Variants in TTC27 observed in about 807,000 individuals in gnomAD.
TTC27 encodes tetratricopeptide repeat domain 27, also known as tetratricopeptide repeat protein 27.
A neutral mutation model predicts 115.9 loss-of-function variants in TTC27; 79 were observed. The ratio of observed to expected loss-of-function variants is 0.68; its 90% confidence interval spans 0.57 to 0.82. The LOEUF (loss-of-function observed/expected upper bound fraction) is 0.82, where lower values mean the gene tolerates loss of function less well. TTC27 is among the 40% of genes least tolerant of loss of function. TTC27 has a pLI of 0.00. For missense variants in TTC27, 1,054 were observed against 993.1 expected (o/e 1.06, Z -0.82); for synonymous variants, 401 against 356.0 (o/e 1.13, Z -1.42).
chr2:32,683,142 A>G (rs1354515688), intron 9 of TTC27, among the ~76,000 whole-genome samples: 1 of 151,984 alleles, frequency 6.6e-6, no homozygotes, highest in Non-Finnish European at 1.5e-5. Context: ...GGCATGAGCC[A>G]CTGCACCAGG....
At chr2:32,813,840 G>A (rs142476340) in intron 18 of TTC27, among the ~76,000 whole-genome samples, 27 of 152,284 alleles carry the variant, frequency 1.8e-4, no homozygotes, top group African/African-American at 6.0e-4. Context: ...TGGCAGAGAA[G>A]GTAGAAGTGC....
chr2:32,722,723 CA>C (rs1318294056), intron 10 of TTC27, among the ~76,000 whole-genome samples: 1 of 152,144 alleles, frequency 6.6e-6, no homozygotes, highest in East Asian at 1.9e-4. Flanking sequence ...TGACCACAGG[CA>C]GGAAGAAGTT....
chr2:32,707,479 T>A (rs1667416028), intron 10 of TTC27, among the ~76,000 whole-genome samples: 1 of 152,182 alleles, frequency 6.6e-6, no homozygotes, highest in African/African-American at 2.4e-5. Flanking sequence ...GAGGACACAT[T>A]CAAACTATAG....
chr2:32,736,555 A>G (rs1426486283), intron 11 of TTC27, 139 bp from the exon 12 acceptor site: 3 of 916,088 alleles, frequency 3.3e-6, no homozygotes, highest in Non-Finnish European at 4.8e-6. Context: ...ACAAACTTCT[A>G]AATAGTACAG....
At chr2:32,678,069 A>G (rs1411949723) in intron 8 of TTC27, among the ~76,000 whole-genome samples, 1 of 152,132 alleles carries the variant, frequency 6.6e-6, no homozygotes, top group Non-Finnish European at 1.5e-5. Flanking sequence ...CAGCCTGGAC[A>G]ACACAGTGAA....
Position 32,760,773 on chromosome 2 carries a change from A to G in TTC27, c.1680+2254A>G, listed in dbSNP as rs149685975. Among the ~76,000 whole-genome samples the G allele has an allele frequency of 7.6e-3, 1,161 of 152,282 alleles. 13 individuals are homozygous for G. Among genetic ancestry groups the G allele is most frequent in the African/African-American group, 0.026 (1,092 of 41,548 alleles). On this transcript the variant is annotated intron_variant, in intron 13 of 19. Coordinates refer to ENST00000317907, the MANE Select transcript of TTC27 (RefSeq NM_017735.5). ...GAGTTCCCTCGCTTAGCCTGCCACA[A>G]TCGCAGTTAAATCAGTGCCAGGTGC...
At chr2:32,809,976 G>A (rs1671262796) in intron 16 of TTC27, among the ~76,000 whole-genome samples, 1 of 152,100 alleles carries the variant, frequency 6.6e-6, no homozygotes, top group Non-Finnish European at 1.5e-5. Flanking sequence ...AATTAGCCAG[G>A]CATGGTGGCG....
intron 13 of TTC27, among the ~76,000 whole-genome samples, chr2:32,764,112 A>G (rs1029338907): frequency 3.7e-5 from 4 of 109,198 alleles, no homozygotes; most frequent in African/African-American, 1.1e-4. Context: ...CTTAACACAC[A>G]TACAGTTTTC....
intron 8 of TTC27, 84 bp downstream of exon 8, chr2:32,672,468 C>T: frequency 9.4e-7 from 1 of 1,064,926 alleles, no homozygotes. Context: ...CAAGGAGGTT[C>T]CAAGAGTTCT....
intron 9 of TTC27, among the ~76,000 whole-genome samples, chr2:32,688,845 T>C (rs931776161): frequency 1.4e-4 from 21 of 152,110 alleles, no homozygotes; most frequent in Non-Finnish European, 2.6e-4. Context: ...AAATTAATCA[T>C]CAATTGCTTC....
At chr2:32,685,495 G>GAAACAA (rs1559205400) in intron 9 of TTC27, among the ~76,000 whole-genome samples, 1 of 151,914 alleles carries the variant, frequency 6.6e-6, no homozygotes, top group Non-Finnish European at 1.5e-5. Context: ...CTATAAAATT[G>GAAACAA]GATAAAATAT....
chr2:32,681,005 A>G (rs1031981863), intron 9 of TTC27, among the ~76,000 whole-genome samples: 3 of 152,096 alleles, frequency 2.0e-5, no homozygotes, highest in African/African-American at 7.2e-5. Context: ...CCTAGCTTGC[A>G]GTGAAGGTCA....
At chr2:32,706,586 CAG>C (rs1667376390) in intron 10 of TTC27, among the ~76,000 whole-genome samples, 2 of 152,016 alleles carry the variant, frequency 1.3e-5, no homozygotes, top group South Asian at 2.1e-4. Context: ...GTTTTTGAGA[CAG>C]AGTGTTACTC....
At chr2:32,774,738 A>C (rs1386027448) in intron 13 of TTC27, among the ~76,000 whole-genome samples, 1 of 152,224 alleles carries the variant, frequency 6.6e-6, no homozygotes, top group Non-Finnish European at 1.5e-5. Flanking sequence ...AAAGTAAAAG[A>C]GGCACCAAAT....
rs147357928 is a variant in TTC27, at chr2:32,681,627, G to A, written c.1119+2705G>A. 2.0e-3 allele frequency among the ~76,000 whole-genome samples: 295 copies of A among 147,296 alleles called. 1 individual carries two copies. The highest frequency in any genetic ancestry group is 7.0e-3 in the African/African-American group (282 of 40,360). On this transcript the variant is annotated intron_variant, in intron 9 of 19. Transcript: ENST00000317907. ...TTTTTCACTTTCTGTACAGTATTCA[G>A]TAAATTATATGAGATATTCAGCTTT...
chr2:32,817,785 G>C (rs992147747), intron 19 of TTC27, among the ~76,000 whole-genome samples: 3 of 152,220 alleles, frequency 2.0e-5, no homozygotes, highest in Admixed American at 1.3e-4. Context: ...TCTGGGTGCA[G>C]TGGCTCATGC....
In TTC27 at chr2:32,812,574, C is replaced by A. The variant is rs1671351500; in HGVS notation, c.2267C>A (p.Ser756Ter). The change falls in exon 18 of 20, where the codon TCA becomes TAA. Residue 756 changes from serine (S) to a stop codon, truncating the protein, a stop_gained. Coordinates refer to ENST00000317907, the MANE Select transcript of TTC27 (RefSeq NM_017735.5). LOFTEE classifies it high-confidence loss of function. The part of the protein sequence containing the change: ...QSNCWEKDIT[S>*]FKEVVQRALG... ...AATTGTTGGGAGAAAGATATTACAT[C>A]ATTTAAGGAAGTTGTTCAAAGAGCC... 6.2e-7 allele frequency: 1 copy of A among 1,613,906 alleles called. No individual in the cohort carries two copies. The highest frequency in any genetic ancestry group is 1.3e-5 in the African/African-American group (1 of 74,934).
Position 32,802,161 on chromosome 2 carries a change from G to C in TTC27, c.1999-8863G>C, listed in dbSNP as rs111305689. 6.0e-3 allele frequency among the ~76,000 whole-genome samples: 913 copies of C among 152,204 alleles called. 14 individuals carry two copies. The highest frequency in any genetic ancestry group is 0.021 in the African/African-American group (878 of 41,530). On this transcript the variant is annotated intron_variant, in intron 16 of 19. Coordinates refer to ENST00000317907, the MANE Select transcript of TTC27 (RefSeq NM_017735.5). ...TAAAGAATTATCTTTGGAGTAGACT[G>C]TTAGATTTAGTTTCCAGATGAAAAG...
intron 16 of TTC27, among the ~76,000 whole-genome samples, chr2:32,805,954 G>A (rs1435518281): frequency 6.6e-6 from 1 of 152,076 alleles, no homozygotes; most frequent in African/African-American, 2.4e-5. Flanking sequence ...AGATCTAGCT[G>A]ATCTTGATAC....
Sources: allele counts gnomAD v4.1 joint callset (sites outside exome capture counted in the v4.1 genomes callset), GRCh38; gene constraint gnomAD v4.1.1; transcripts MANE v1.5; gene names NCBI Gene and HGNC (gene_info 2026-07-23, HGNC 2026-07-21).